CEP135: variants seen among roughly 807,000 people sequenced by gnomAD.
CEP135 encodes centrosomal protein of 135 kDa.
In CEP135, 142 loss-of-function variants were observed where a neutral mutation model predicts 157.3. That is an observed-to-expected ratio of 0.90 (90% CI 0.79 to 1.04). The LOEUF is 1.04. Ranked by LOEUF, CEP135 falls within the 50% of genes least tolerant of loss-of-function variation. The pLI is 0.00. For synonymous variants in CEP135, 396 were observed against 439.8 expected, an observed-to-expected ratio of 0.90 and a Z score of 1.25; for missense variants, 1,317 against 1,309.2, an observed-to-expected ratio of 1.01 and a Z score of -0.09.
At chr4:55,959,249 A>G (rs1335622678) in intron 5 of CEP135, among the ~76,000 whole-genome samples, 2 of 152,240 alleles carry the variant, frequency 1.3e-5, no homozygotes, top group Non-Finnish European at 2.9e-5. Context: ...CTGTAGTTAC[A>G]TATGATCTTT....
intron 24 of CEP135, among the ~76,000 whole-genome samples, chr4:56,023,921 TA>T (rs1169709240): frequency 1.4e-5 from 2 of 138,756 alleles, no homozygotes; most frequent in African/African-American, 5.2e-5. Context: ...AAGTAGTGGA[TA>T]AAAGATTTTA....
chr4:55,953,011 C>G, intron 2 of CEP135, 74 bp from the exon 3 acceptor site: 1 of 1,296,092 alleles, frequency 7.7e-7, no homozygotes, highest in South Asian at 1.7e-5. Context: ...TTTTAAGCCT[C>G]TTTAGAAATA....
intron 12 of CEP135, 106 bp downstream of exon 12, chr4:55,980,401 T>G (rs41279543): frequency 8.0e-6 from 5 of 626,850 alleles, no homozygotes; most frequent in Non-Finnish European, 1.3e-5. Flanking sequence ...ACCTGTGATA[T>G]TTCTTCATAA....
Position 55,953,067 on chromosome 4 carries a change from A to C in CEP135, c.114-18A>C. 6.5e-7 allele frequency: 1 copy of C among 1,531,018 alleles called. No individual in the cohort carries two copies. The highest frequency in any genetic ancestry group is 8.7e-7 in the Non-Finnish European group (1 of 1,143,838). 94.8% of individuals were successfully genotyped at this position (1,531,018 alleles called of 1,614,324 possible). Reference sequence around the variant, plus strand: ...TTAATGAAATATTTCCTGGTATTTAAATTTTCTGTTCTTTTAGCGACTTAG... The same window carrying C: ...TTAATGAAATATTTCCTGGTATTTACATTTTCTGTTCTTTTAGCGACTTAG... On this transcript the variant is annotated intron_variant, in intron 2 of 25. Transcript: ENST00000257287.
At chr4:56,013,780 G>A (rs914854192) in intron 21 of CEP135, among the ~76,000 whole-genome samples, 11 of 152,148 alleles carry the variant, frequency 7.2e-5, no homozygotes, top group African/African-American at 2.4e-4. Context: ...ATCTGTAGCA[G>A]ATAGAATTAT....
At chr4:56,019,634 G>A in intron 23 of CEP135, 79 bp downstream of exon 23, 1 of 1,213,700 alleles carries the variant, frequency 8.2e-7, no homozygotes. Context: ...GTGGAGGAAA[G>A]GTTAAGAGTA....
At chr4:55,977,895 T>A (rs1047212740) in intron 11 of CEP135, among the ~76,000 whole-genome samples, 1 of 152,168 alleles carries the variant, frequency 6.6e-6, no homozygotes, top group Non-Finnish European at 1.5e-5. Flanking sequence ...TCAAAGCACA[T>A]CAGTTCTGGT....
intron 12 of CEP135, among the ~76,000 whole-genome samples, chr4:55,980,549 A>C (rs774017941): frequency 5.3e-5 from 8 of 152,156 alleles, no homozygotes; most frequent in Non-Finnish European, 1.2e-4. Flanking sequence ...TTTTTCTAAA[A>C]CTACCTGAAG....
At chr4:55,949,188 A>G (rs1446680274) in intron 1 of CEP135, 129 bp downstream of exon 1, 1 of 152,508 alleles carries the variant, frequency 6.6e-6, no homozygotes, top group East Asian at 1.9e-4. Flanking sequence ...AAGTGAGGCC[A>G]GGCCGGGTCA....
intron 15 of CEP135, 127 bp downstream of exon 15, chr4:55,992,212 C>A: frequency 2.6e-6 from 2 of 778,654 alleles, no homozygotes; most frequent in Non-Finnish European, 4.0e-6. Context: ...TTGCAGTAGA[C>A]TCACCTGGGA....
chr4:56,029,566 A>G (rs557597183), intron 25 of CEP135, among the ~76,000 whole-genome samples: 1 of 152,346 alleles, frequency 6.6e-6, no homozygotes, highest in Admixed American at 6.5e-5. Flanking sequence ...ATGTTCTGAG[A>G]AATTTGTTTT....
chr4:56,001,762 T>C (rs868407174), intron 17 of CEP135, among the ~76,000 whole-genome samples: 78 of 151,786 alleles, frequency 5.1e-4, no homozygotes, highest in African/African-American at 1.8e-3. Flanking sequence ...ATTTGAGGAT[T>C]TTTTTTTCTA....
intron 21 of CEP135, among the ~76,000 whole-genome samples, chr4:56,013,807 T>C (rs1730677310): frequency 6.6e-6 from 1 of 152,216 alleles, no homozygotes; most frequent in South Asian, 2.1e-4. Flanking sequence ...CAGAAAGATA[T>C]ATTGAGCCCC....
intron 25 of CEP135, among the ~76,000 whole-genome samples, chr4:56,025,036 C>T (rs893941704): frequency 1.3e-5 from 2 of 151,910 alleles, no homozygotes; most frequent in African/African-American, 4.8e-5. Context: ...GTACCAGCTG[C>T]TGGGGAGGTG....
At chr4:56,023,707 G>A (rs6842522) in intron 24 of CEP135, among the ~76,000 whole-genome samples, 78,330 of 141,136 alleles carry the variant, frequency 0.55, 22,031 homozygotes, top group African/African-American at 0.66. Context: ...ATAATATACT[G>A]TATATTATAT....
At chr4:55,986,289 C>T (rs1434199670) in intron 14 of CEP135, among the ~76,000 whole-genome samples, 5 of 152,172 alleles carry the variant, frequency 3.3e-5, no homozygotes, top group African/African-American at 1.2e-4. Context: ...ATAATCCCAA[C>T]ACTTTGGGAG....
intron 24 of CEP135, among the ~76,000 whole-genome samples, chr4:56,023,641 A>T (rs1019867051): frequency 2.8e-5 from 4 of 144,968 alleles, no homozygotes; most frequent in Non-Finnish European, 4.5e-5. Context: ...AATATGTAAT[A>T]TATAATACAT....
chr4:55,953,246 T>C lies in CEP135; in HGVS notation c.275T>C (p.Leu92Pro), dbSNP rs1300495845. Residue 92 changes from leucine (L) to proline (P), a missense_variant, in exon 3 of 26, where the codon CTG becomes CCG. By Grantham distance (98) the Leu-to-Pro change is moderately conservative (BLOSUM62 -3). Coordinates refer to ENST00000257287, the MANE Select transcript of CEP135 (RefSeq NM_025009.5). ...GAATTATACCTAGAGTTAATGAAACTGAGAGAACATTCAGACCAACACGTT... is the reference window on the plus strand; with the variant it reads ...GAATTATACCTAGAGTTAATGAAACCGAGAGAACATTCAGACCAACACGTT... ...NNELYLELMK[L>P]REHSDQHVKE... 3.8e-6 allele frequency: 6 copies of C among 1,563,082 alleles called. No individual in the cohort carries two copies. Among genetic ancestry groups the C allele is most frequent in the Non-Finnish European group, 4.3e-6 (5 of 1,160,570 alleles).
chr4:56,021,178 A>C (rs1730963231), intron 24 of CEP135, among the ~76,000 whole-genome samples: 1 of 152,226 alleles, frequency 6.6e-6, no homozygotes, highest in Non-Finnish European at 1.5e-5. Context: ...TGGTTCAAGT[A>C]GGATGTTCCA....
Sources: gnomAD v4.1 joint callset for allele counts (sites outside exome capture counted in the v4.1 genomes callset) on GRCh38, gnomAD v4.1.1 for gene constraint, MANE v1.5 for transcripts, NCBI Gene and HGNC (gene_info 2026-07-23, HGNC 2026-07-21) for gene names.